CTNND2: variants seen among roughly 807,000 people sequenced by gnomAD.
CTNND2 encodes catenin delta-2.
In CTNND2, 22 loss-of-function variants were observed where a neutral mutation model predicts 144.4. The ratio of observed to expected loss-of-function variants is 0.15; its 90% CI spans 0.11 to 0.22. CTNND2 has a LOEUF of 0.22. CTNND2 is among the 10% of genes least tolerant of loss of function. CTNND2 has a pLI of 1.00. For missense variants in CTNND2, 1,353 were observed against 1,618.8 expected, an observed-to-expected ratio of 0.84 and a Z score of 2.82; for synonymous variants, 751 against 695.6, an observed-to-expected ratio of 1.08 and a Z score of -1.25.
intron 1 of CTNND2, among the ~76,000 whole-genome samples, chr5:11,758,434 A>G (rs892565060): frequency 2.6e-5 from 4 of 152,056 alleles, no homozygotes; most frequent in Non-Finnish European, 4.4e-5. Flanking sequence ...ATAATTGATC[A>G]GGAAAGCTCA....
intron 3 of CTNND2, among the ~76,000 whole-genome samples, chr5:11,458,649 T>A (rs147153668): frequency 6.6e-6 from 1 of 152,348 alleles, no homozygotes; most frequent in East Asian, 1.9e-4. Context: ...CTACAAGATG[T>A]TAATAGTTGC....
intron 2 of CTNND2, among the ~76,000 whole-genome samples, chr5:11,590,440 A>G (rs1325686795): frequency 6.6e-6 from 1 of 152,184 alleles, no homozygotes; most frequent in Admixed American, 6.5e-5. Flanking sequence ...ATACACTCCC[A>G]GCATCAAATC....
intron 10 of CTNND2, among the ~76,000 whole-genome samples, chr5:11,233,150 A>G (rs1741229912): frequency 6.6e-6 from 1 of 152,212 alleles, no homozygotes; most frequent in South Asian, 2.1e-4. Flanking sequence ...CAGCATGAGA[A>G]TGGACTAATA....
At chr5:11,753,330 T>C (rs764763014) in intron 1 of CTNND2, among the ~76,000 whole-genome samples, 3 of 151,910 alleles carry the variant, frequency 2.0e-5, no homozygotes, top group Non-Finnish European at 2.9e-5. Context: ...TGGCTCTTAT[T>C]ATTTTGAGGT....
chr5:11,610,207 T>C (rs1407970607), intron 2 of CTNND2, among the ~76,000 whole-genome samples: 2 of 152,154 alleles, frequency 1.3e-5, no homozygotes, highest in Non-Finnish European at 2.9e-5. Flanking sequence ...ATTATAGCAG[T>C]GACCTTCATA....
At chr5:11,175,434 T>C (rs187629620) in intron 11 of CTNND2, among the ~76,000 whole-genome samples, 43 of 152,298 alleles carry the variant, frequency 2.8e-4, no homozygotes, top group Admixed American at 2.3e-3. Flanking sequence ...TATACTCACA[T>C]GTCACTTTAC....
At chr5:11,741,289 T>C (rs1787989794) in intron 1 of CTNND2, among the ~76,000 whole-genome samples, 1 of 152,160 alleles carries the variant, frequency 6.6e-6, no homozygotes. Flanking sequence ...TGTAGCACTA[T>C]GCACAATAGC....
intron 9 of CTNND2, among the ~76,000 whole-genome samples, chr5:11,245,667 A>G (rs258630): frequency 0.69 from 105,189 of 152,034 alleles, 37,481 homozygotes; most frequent in African/African-American, 0.86. Flanking sequence ...CTGGCCTCCA[A>G]AACTGTACGA....
intron 3 of CTNND2, among the ~76,000 whole-genome samples, chr5:11,415,430 C>G (rs1300131290): frequency 6.6e-6 from 1 of 151,996 alleles, no homozygotes; most frequent in Non-Finnish European, 1.5e-5. Flanking sequence ...ATAGCAAGAC[C>G]TCATCTCTAC....
intron 1 of CTNND2, among the ~76,000 whole-genome samples, chr5:11,818,882 T>C (rs2126936704): frequency 6.6e-6 from 1 of 152,284 alleles, no homozygotes; most frequent in South Asian, 2.1e-4. Context: ...TTTCCTCTCC[T>C]CAGCAAAGAG....
At chr5:11,386,024 A>G (rs1759054432) in intron 6 of CTNND2, 2 of 152,328 alleles carry the variant, frequency 1.3e-5, no homozygotes, top group Admixed American at 6.5e-5. Context: ...ACTGAAAGCC[A>G]TTCGCCTCTC....
chr5:11,668,419 T>C (rs891717758), intron 2 of CTNND2, among the ~76,000 whole-genome samples: 1 of 152,256 alleles, frequency 6.6e-6, no homozygotes, highest in Non-Finnish European at 1.5e-5. Context: ...ATCCATTTGT[T>C]TGTGTCCTCT....
chr5:11,781,466 T>G (rs1274163028), intron 1 of CTNND2, among the ~76,000 whole-genome samples: 1 of 152,326 alleles, frequency 6.6e-6, no homozygotes, highest in Non-Finnish European at 1.5e-5. Context: ...TGGGGATTCC[T>G]TTCCCCCAGG....
intron 15 of CTNND2, among the ~76,000 whole-genome samples, chr5:11,096,866 G>T (rs1248821803): frequency 6.6e-6 from 1 of 152,088 alleles, no homozygotes; most frequent in Non-Finnish European, 1.5e-5. Context: ...CCACAATCTA[G>T]ATCTTTGTGT....
chr5:11,642,413 T>C (rs1245375414), intron 2 of CTNND2, among the ~76,000 whole-genome samples: 1 of 152,170 alleles, frequency 6.6e-6, no homozygotes, highest in East Asian at 1.9e-4. Context: ...TGAGTCAAAG[T>C]AGGTGCTTTG....
intron 8 of CTNND2, among the ~76,000 whole-genome samples, chr5:11,351,159 A>G (rs146368481): frequency 1.2e-3 from 187 of 152,260 alleles, no homozygotes; most frequent in African/African-American, 4.2e-3. Context: ...TAATTTCTGG[A>G]CTGTTGAACA....
intron 3 of CTNND2, among the ~76,000 whole-genome samples, chr5:11,443,253 C>G (rs937606843): frequency 0.014 from 927 of 65,558 alleles, 16 homozygotes; most frequent in Middle Eastern, 0.076. Context: ...TGTGTGTGTG[C>G]TGTGTGTGGT....
chr5:11,558,324 T>C (rs1260393190), intron 3 of CTNND2, among the ~76,000 whole-genome samples: 1 of 150,810 alleles, frequency 6.6e-6, no homozygotes, highest in Non-Finnish European at 1.5e-5. Context: ...ATGGTAATAC[T>C]TTGGCTGTGA....
chr5:11,847,220 T>C (rs1020914265), intron 1 of CTNND2, among the ~76,000 whole-genome samples: 7 of 145,220 alleles, frequency 4.8e-5, no homozygotes, highest in Non-Finnish European at 9.0e-5. Context: ...AGCCAAGATA[T>C]AGAAATCGAT....
Sources: gnomAD v4.1 joint callset for allele counts (sites outside exome capture counted in the v4.1 genomes callset) on GRCh38, gnomAD v4.1.1 for gene constraint, MANE v1.5 for transcripts, NCBI Gene and HGNC (gene_info 2026-07-23, HGNC 2026-07-21) for gene names.